The following ABTB3 variants were observed in gnomAD, a reference collection of about 807,000 sequenced individuals.
ABTB3 encodes the protein ankyrin repeat- and BTB/POZ domain-containing protein 3.
the ABTB3 span, among the ~76,000 whole-genome samples, chr12:107,519,306 T>C: frequency 6.7e-6 from 1 of 148,216 alleles, no homozygotes; most frequent in Admixed American, 7.0e-5. Flanking sequence ...TTTTCTTTTT[T>C]CTTTTCTTTT....
At chr12:107,474,781 C>A in the ABTB3 span, among the ~76,000 whole-genome samples, 4 of 152,096 alleles carry the variant, frequency 2.6e-5, 1 homozygote, top group Admixed American at 2.6e-4. Flanking sequence ...GCAGCAGATG[C>A]CCTGCAGAGT....
chr12:107,395,987 C>T, the ABTB3 span, among the ~76,000 whole-genome samples: 1 of 152,212 alleles, frequency 6.6e-6, no homozygotes. Flanking sequence ...GCTGAAGGTA[C>T]AGACCTGGCT....
At chr12:107,348,070 G>C in the ABTB3 span, among the ~76,000 whole-genome samples, 1 of 152,102 alleles carries the variant, frequency 6.6e-6, no homozygotes, top group Non-Finnish European at 1.5e-5. Context: ...ACTTTAGGGA[G>C]AGAGAATTGC....
chr12:107,340,783 A>G, the ABTB3 span, among the ~76,000 whole-genome samples: 28 of 152,212 alleles, frequency 1.8e-4, no homozygotes, highest in African/African-American at 6.8e-4. Context: ...ATCTCCCAGG[A>G]TGGAGCCCTT....
At chr12:107,425,649 G>C in the ABTB3 span, among the ~76,000 whole-genome samples, 1 of 152,136 alleles carries the variant, frequency 6.6e-6, no homozygotes, top group Non-Finnish European at 1.5e-5. Context: ...AAACCAGACC[G>C]CTTTTTTAAT....
chr12:107,325,458 A>G, the ABTB3 span, among the ~76,000 whole-genome samples: 1 of 152,214 alleles, frequency 6.6e-6, no homozygotes, highest in Non-Finnish European at 1.5e-5. Flanking sequence ...GCTTGATGTA[A>G]ATTAAAACTT....
At chr12:107,441,835 G>A in the ABTB3 span, among the ~76,000 whole-genome samples, 2 of 151,342 alleles carry the variant, frequency 1.3e-5, no homozygotes, top group Admixed American at 6.6e-5. Flanking sequence ...AGCTACTTGG[G>A]AGGCTGAAGT....
chr12:107,407,899 A>T, the ABTB3 span, among the ~76,000 whole-genome samples: 2 of 151,604 alleles, frequency 1.3e-5, no homozygotes, highest in Non-Finnish European at 2.9e-5. Flanking sequence ...ATCGTATGGG[A>T]TTTTCCTCCC....
chr12:107,380,493 TG>T, the ABTB3 span, among the ~76,000 whole-genome samples: 22 of 152,340 alleles, frequency 1.4e-4, no homozygotes, highest in Admixed American at 5.9e-4. Context: ...CCTAGGTTTT[TG>T]TTTCTGTGTG....
chr12:107,417,621 C>T, the ABTB3 span, among the ~76,000 whole-genome samples: 4,202 of 152,298 alleles, frequency 0.028, 155 homozygotes, highest in African/African-American at 0.088. Context: ...TGGAGATGCC[C>T]GTACTATGTA....
At chr12:107,505,324 A>G in the ABTB3 span, among the ~76,000 whole-genome samples, 1 of 152,298 alleles carries the variant, frequency 6.6e-6, no homozygotes, top group Non-Finnish European at 1.5e-5. Context: ...AGCCCTACCT[A>G]ATTTTAAAGC....
At chr12:107,453,696 T>C in the ABTB3 span, among the ~76,000 whole-genome samples, 1 of 152,150 alleles carries the variant, frequency 6.6e-6, no homozygotes, top group African/African-American at 2.4e-5. Context: ...TTAATTCCTC[T>C]GGTAAACCAG....
chr12:107,342,949 G>T, the ABTB3 span, among the ~76,000 whole-genome samples: 60 of 152,288 alleles, frequency 3.9e-4, no homozygotes, highest in African/African-American at 1.4e-3. Flanking sequence ...CTGTGGCTAT[G>T]ACCTGCCCCT....
At chr12:107,607,637 T>C in the ABTB3 span, among the ~76,000 whole-genome samples, 5 of 152,302 alleles carry the variant, frequency 3.3e-5, no homozygotes, top group South Asian at 8.3e-4. Flanking sequence ...AGACCCCTCA[T>C]GGCAACACCA....
the ABTB3 span, among the ~76,000 whole-genome samples, chr12:107,623,967 A>G: frequency 3.3e-5 from 5 of 152,272 alleles, no homozygotes; most frequent in Non-Finnish European, 7.4e-5. Flanking sequence ...CACCTAAGTG[A>G]GGAAAAGCTT....
chr12:107,361,858 G>A, the ABTB3 span, among the ~76,000 whole-genome samples: 10 of 152,218 alleles, frequency 6.6e-5, no homozygotes, highest in South Asian at 4.2e-4. Flanking sequence ...TAGGAGGTGC[G>A]GCCTTTGGGA....
chr12:107,346,255 G>A, the ABTB3 span, among the ~76,000 whole-genome samples: 4 of 152,176 alleles, frequency 2.6e-5, no homozygotes, highest in Middle Eastern at 3.4e-3. Context: ...GGGGGAAGAT[G>A]GAAAGTCTAG....
chr12:107,423,166 T>C, the ABTB3 span, among the ~76,000 whole-genome samples: 1 of 152,182 alleles, frequency 6.6e-6, no homozygotes, highest in Non-Finnish European at 1.5e-5. Context: ...GAAAAACGAA[T>C]ACTATGTAGG....
chr12:107,493,459 G>C, the ABTB3 span, among the ~76,000 whole-genome samples: 1 of 152,160 alleles, frequency 6.6e-6, no homozygotes, highest in Non-Finnish European at 1.5e-5. Context: ...GCAGCCCCAT[G>C]TGTTAGAACC....
Sources: allele counts gnomAD v4.1 joint callset (sites outside exome capture counted in the v4.1 genomes callset), GRCh38; gene constraint gnomAD v4.1.1; transcripts MANE v1.5; gene names NCBI Gene and HGNC (gene_info 2026-07-23, HGNC 2026-07-21).